The following QKI variants were observed in gnomAD, a reference collection of about 807,000 sequenced individuals.
QKI encodes KH domain-containing RNA-binding protein QKI.
A neutral mutation model predicts 39.0 loss-of-function variants in QKI; 10 were observed. That is an observed-to-expected ratio of 0.26 (90% confidence interval 0.16 to 0.43). The LOEUF (loss-of-function observed/expected upper bound fraction) is 0.43. Ranked by LOEUF, QKI falls within the 20% of genes least tolerant of loss-of-function variation. The pLI, the probability that QKI is intolerant of heterozygous loss-of-function variation, is 1.00. For missense variants in QKI, 218 were observed against 428.0 expected (o/e 0.51, Z 4.33); for synonymous variants, 204 against 155.4 (o/e 1.31, Z -2.33).
intron 2 of QKI, among the ~76,000 whole-genome samples, chr6:163,461,522 AAG>A (rs1158460707): frequency 1.3e-5 from 2 of 152,216 alleles, no homozygotes; most frequent in Non-Finnish European, 2.9e-5. Context: ...TTTATCTAAA[AAG>A]AGTTTCATGT....
intron 3 of QKI, among the ~76,000 whole-genome samples, chr6:163,481,453 G>T (rs1219689479): frequency 1.3e-5 from 2 of 152,164 alleles, no homozygotes; most frequent in East Asian, 3.8e-4. Flanking sequence ...ACCTGGCACA[G>T]AGTGCAGGCA....
intron 2 of QKI, among the ~76,000 whole-genome samples, chr6:163,467,204 G>T (rs1299013220): frequency 6.6e-6 from 1 of 152,234 alleles, no homozygotes; most frequent in African/African-American, 2.4e-5. Context: ...CAGTAGCTGT[G>T]TGGGTGATGG....
Position 163,551,001 on chromosome 6 carries a change from T to A in QKI, c.547-10981T>A, listed in dbSNP as rs536718871. Among the ~76,000 whole-genome samples, 4 of 152,190 alleles carry A rather than the reference T, an allele frequency of 2.6e-5. 1 individual carries two copies. Among genetic ancestry groups the A allele is most frequent in the African/African-American group, 9.6e-5 (4 of 41,540 alleles). On this transcript the variant is annotated intron_variant, in intron 4 of 7. Coordinates refer to ENST00000361752, the MANE Select transcript of QKI (RefSeq NM_006775.3). ...GAGGACAGGGGCATCGATCAAATTT[T>A]AACCAATAATGGCCAGCCAATGTGA...
At chr6:163,482,106 C>T (rs1478136621) in intron 3 of QKI, among the ~76,000 whole-genome samples, 1 of 151,956 alleles carries the variant, frequency 6.6e-6, no homozygotes, top group East Asian at 1.9e-4. Flanking sequence ...GATGCTTGAG[C>T]CCAGGAGTTG....
At chr6:163,560,628 A>G (rs1333399042) in intron 4 of QKI, among the ~76,000 whole-genome samples, 2 of 152,216 alleles carry the variant, frequency 1.3e-5, no homozygotes, top group Non-Finnish European at 2.9e-5. Flanking sequence ...TGTTACTTAC[A>G]TACGTGTGTA....
At chr6:163,532,791 A>C (rs966039595) in intron 3 of QKI, among the ~76,000 whole-genome samples, 1 of 152,138 alleles carries the variant, frequency 6.6e-6, no homozygotes, top group Non-Finnish European at 1.5e-5. Flanking sequence ...CAGCTCTCCC[A>C]GGACTCTCTG....
chr6:163,432,519 G>A (rs1233577211), intron 1 of QKI, among the ~76,000 whole-genome samples: 1 of 151,730 alleles, frequency 6.6e-6, no homozygotes, highest in Non-Finnish European at 1.5e-5. Context: ...TCAGCCTCCA[G>A]AGAGGTAGGA....
At position 163,563,487 on chromosome 6, in the gene QKI, G is replaced by A. The variant is rs761669902; in HGVS notation, c.702G>A (p.Pro234=). 9.9e-6 allele frequency: 16 copies of A among 1,613,936 alleles called. No individual in the cohort carries two copies. The Middle Eastern group carries it at 4.9e-4, about 50-fold the overall frequency. Residue 234 remains proline, a synonymous_variant, in exon 6 of 8, where the codon CCG becomes CCA. Transcript: ENST00000361752. ...AAPRIITGPA[P]VLPPAALRTP... ...CAAGGATCATTACTGGGCCTGCGCC[G>A]GTTCTCCCACCAGCTGCCCTGCGTA...
At chr6:163,492,149 T>A (rs914526000) in intron 3 of QKI, among the ~76,000 whole-genome samples, 1 of 152,168 alleles carries the variant, frequency 6.6e-6, no homozygotes, top group Non-Finnish European at 1.5e-5. Flanking sequence ...CAGCAATTGA[T>A]CTTTTCAAAA....
At chr6:163,511,176 T>G (rs1779448897) in intron 3 of QKI, among the ~76,000 whole-genome samples, 1 of 152,102 alleles carries the variant, frequency 6.6e-6, no homozygotes, top group Non-Finnish European at 1.5e-5. Flanking sequence ...TCAGAAAATA[T>G]TTTGGACCGA....
chr6:163,452,979 T>C (rs1790682340), intron 1 of QKI, among the ~76,000 whole-genome samples: 1 of 152,144 alleles, frequency 6.6e-6, no homozygotes. Context: ...CTGCCTGCCT[T>C]GGCCTCCCAA....
intron 3 of QKI, among the ~76,000 whole-genome samples, chr6:163,495,066 T>C: frequency 6.6e-6 from 1 of 151,900 alleles, no homozygotes; most frequent in East Asian, 1.9e-4. Flanking sequence ...TAGGAGCGTG[T>C]CAAAACACCT....
At chr6:163,435,023 A>G (rs180866336) in intron 1 of QKI, among the ~76,000 whole-genome samples, 2 of 152,348 alleles carry the variant, frequency 1.3e-5, no homozygotes, top group East Asian at 3.9e-4. Context: ...CCAACACTTA[A>G]AAATGATTTT....
At chr6:163,453,390 C>T (rs994520520) in intron 1 of QKI, among the ~76,000 whole-genome samples, 6 of 151,840 alleles carry the variant, frequency 4.0e-5, no homozygotes, top group Non-Finnish European at 8.8e-5. Context: ...AGGTAGTTTC[C>T]GAAGAAGATA....
chr6:163,556,522 A>AAAC (rs1947564786), intron 4 of QKI, among the ~76,000 whole-genome samples: 1 of 150,156 alleles, frequency 6.7e-6, no homozygotes, highest in African/African-American at 2.5e-5. Context: ...AAAAAAAAAA[A>AAAC]AACAACAAAC....
chr6:163,556,563 A>G (rs966728028), intron 4 of QKI, among the ~76,000 whole-genome samples: 1 of 151,396 alleles, frequency 6.6e-6, no homozygotes, highest in African/African-American at 2.4e-5. Flanking sequence ...TGACATATCT[A>G]TATCTTAATA....
At chr6:163,541,268 TTCTGTTTA>T (rs1781495581) in intron 4 of QKI, among the ~76,000 whole-genome samples, 2 of 152,102 alleles carry the variant, frequency 1.3e-5, no homozygotes, top group African/African-American at 2.4e-5. Context: ...TTTGAGACTT[TTCTGTTTA>T]TCATACTGTA....
intron 3 of QKI, among the ~76,000 whole-genome samples, chr6:163,503,262 G>A (rs551110716): frequency 9.2e-5 from 14 of 151,542 alleles, no homozygotes; most frequent in African/African-American, 2.7e-4. Context: ...GATTACAGGC[G>A]TGAGCCACTG....
At chr6:163,476,626 T>C (rs1331024214) in intron 2 of QKI, among the ~76,000 whole-genome samples, 1 of 152,230 alleles carries the variant, frequency 6.6e-6, no homozygotes, top group Non-Finnish European at 1.5e-5. Flanking sequence ...TGGCCTTTGC[T>C]GTTCTGTGGG....
Sources: allele counts gnomAD v4.1 joint callset (sites outside exome capture counted in the v4.1 genomes callset), GRCh38; gene constraint gnomAD v4.1.1; transcripts MANE v1.5; gene names NCBI Gene and HGNC (gene_info 2026-07-23, HGNC 2026-07-21).